Variants in BTBD9 observed in about 807,000 individuals in gnomAD.
The protein encoded by BTBD9 is BTB/POZ domain-containing protein 9.
BTBD9 carries 49 observed loss-of-function variants against 64.3 expected under a neutral mutation model. The ratio of observed to expected loss-of-function variants is 0.76; its 90% CI spans 0.61 to 0.97. BTBD9 has a LOEUF of 0.97. Among genes scored for constraint, BTBD9 ranks in the 50% least tolerant of loss-of-function variants. The probability of loss-of-function intolerance (pLI) is 0.00; values close to 1 mark genes in which losing one functional copy is unlikely to be tolerated. For missense variants in BTBD9, 598 were observed against 762.1 expected (o/e 0.78, Z 2.53); for synonymous variants, 260 against 274.7 (o/e 0.95, Z 0.53).
intron 6 of BTBD9, among the ~76,000 whole-genome samples, chr6:38,567,150 G>T (rs1202596265): frequency 6.6e-6 from 1 of 152,196 alleles, no homozygotes; most frequent in Non-Finnish European, 1.5e-5. Context: ...AGTTTTATCA[G>T]TAACTAATGT....
At chr6:38,599,759 G>T (rs1200262475) in intron 1 of BTBD9, among the ~76,000 whole-genome samples, 1 of 152,224 alleles carries the variant, frequency 6.6e-6, no homozygotes, top group African/African-American at 2.4e-5. Context: ...TGCAATGGAA[G>T]ATCTTCATGG....
At chr6:38,423,216 G>C (rs1009797973) in intron 6 of BTBD9, among the ~76,000 whole-genome samples, 4 of 152,074 alleles carry the variant, frequency 2.6e-5, no homozygotes, top group African/African-American at 9.7e-5. Flanking sequence ...AGTGAGTCAA[G>C]ATCTCTCCAG....
At chr6:38,505,964 C>CAACAAAA (rs1175511241) in intron 6 of BTBD9, among the ~76,000 whole-genome samples, 2 of 82,628 alleles carry the variant, frequency 2.4e-5, no homozygotes, top group African/African-American at 8.2e-5. Flanking sequence ...TCCGTCTCAA[C>CAACAAAA]AAAAAAAAAA....
intron 6 of BTBD9, among the ~76,000 whole-genome samples, chr6:38,438,182 AGGAAGGAG>A (rs1298229137): frequency 1.5e-5 from 2 of 134,886 alleles, no homozygotes; most frequent in African/African-American, 5.6e-5. Context: ...AAAGGAAGGA[AGGAAGGAG>A]GAAAGGAGGA....
At chr6:38,183,868 G>A (rs776185760) in intron 10 of BTBD9, among the ~76,000 whole-genome samples, 2 of 152,136 alleles carry the variant, frequency 1.3e-5, no homozygotes, top group East Asian at 1.9e-4. Context: ...CCACACCAAC[G>A]CTCTGGCCCA....
At chr6:38,504,571 G>A (rs1222465243) in intron 6 of BTBD9, 1 of 456,678 alleles carries the variant, frequency 2.2e-6, no homozygotes, top group Admixed American at 2.3e-5. Context: ...AACTGCGGGT[G>A]AAATGTGGAT....
intron 9 of BTBD9, among the ~76,000 whole-genome samples, chr6:38,227,612 G>A (rs1763443509): frequency 1.3e-5 from 2 of 152,202 alleles, no homozygotes; most frequent in Non-Finnish European, 2.9e-5. Flanking sequence ...GAGTGCTTCA[G>A]AGAGGCCATA....
At chr6:38,568,807 T>G (rs1775632219) in intron 6 of BTBD9, among the ~76,000 whole-genome samples, 1 of 152,216 alleles carries the variant, frequency 6.6e-6, no homozygotes, top group South Asian at 2.1e-4. Context: ...TCTTGGGAAT[T>G]TTTACTGTTT....
At chr6:38,370,007 C>T (rs1030929300) in intron 6 of BTBD9, among the ~76,000 whole-genome samples, 1 of 152,244 alleles carries the variant, frequency 6.6e-6, no homozygotes, top group South Asian at 2.1e-4. Flanking sequence ...CTCGTGAGCG[C>T]TTTCCAGTCC....
intron 9 of BTBD9, among the ~76,000 whole-genome samples, chr6:38,205,058 T>C (rs1000608635): frequency 6.6e-6 from 1 of 151,950 alleles, no homozygotes; most frequent in African/African-American, 2.4e-5. Flanking sequence ...AGATAAAAAA[T>C]AGAAGAGAAA....
chr6:38,352,440 C>T (rs1047759671), intron 6 of BTBD9, among the ~76,000 whole-genome samples: 8 of 151,784 alleles, frequency 5.3e-5, no homozygotes, highest in African/African-American at 1.9e-4. Context: ...GGCCAGAAGC[C>T]TTGATCAGAC....
chr6:38,360,496 C>T (rs1287955446), intron 6 of BTBD9, among the ~76,000 whole-genome samples: 2 of 152,040 alleles, frequency 1.3e-5, no homozygotes, highest in African/African-American at 4.8e-5. Context: ...CATATTAGTA[C>T]ATTCTGTTAT....
At chr6:38,231,334 C>G (rs1290712447) in intron 9 of BTBD9, among the ~76,000 whole-genome samples, 1 of 152,182 alleles carries the variant, frequency 6.6e-6, no homozygotes, top group Non-Finnish European at 1.5e-5. Context: ...AAACCATGCA[C>G]TATGAGAGAC....
chr6:38,367,799 C>CAAAAAAAAAAAAAAAAAAAA, intron 6 of BTBD9, among the ~76,000 whole-genome samples: 2 of 84,334 alleles, frequency 2.4e-5, no homozygotes, highest in East Asian at 1.0e-3. Context: ...CCAGAAATGG[C>CAAAAAAAAAAAAAAAAAAAA]AAAAAAAAAA....
chr6:38,616,729 A>T (rs539608802), intron 1 of BTBD9, among the ~76,000 whole-genome samples: 39 of 152,268 alleles, frequency 2.6e-4, no homozygotes, highest in Admixed American at 2.4e-3. Context: ...AGGGGACAAT[A>T]AAGGAATAAA....
chr6:38,552,478 T>C (rs922133997), intron 6 of BTBD9, among the ~76,000 whole-genome samples: 1 of 151,956 alleles, frequency 6.6e-6, no homozygotes, highest in Non-Finnish European at 1.5e-5. Flanking sequence ...ATCTCAAAGA[T>C]TAATGAAAAA....
At chr6:38,615,382 T>C (rs767450593) in intron 1 of BTBD9, among the ~76,000 whole-genome samples, 1 of 152,172 alleles carries the variant, frequency 6.6e-6, no homozygotes, top group East Asian at 1.9e-4. Flanking sequence ...TGCCTTCCTA[T>C]CTCATGCTGA....
intron 7 of BTBD9, among the ~76,000 whole-genome samples, chr6:38,338,521 A>G (rs1303617097): frequency 6.6e-6 from 1 of 152,156 alleles, no homozygotes; most frequent in Admixed American, 6.5e-5. Context: ...AGCTGATAAT[A>G]GAATCTTATT....
At position 38,635,482 on chromosome 6, in the gene BTBD9, G is replaced by A. The variant is rs76095862; in HGVS notation, c.-28+4318C>T. Among the ~76,000 whole-genome samples, 646 of 152,256 alleles carry A rather than the reference G, an allele frequency of 4.2e-3. 13 individuals are homozygous for A. Among genetic ancestry groups the A allele is most frequent in the African/African-American group, 0.015 (618 of 41,540 alleles). On this transcript the variant is annotated intron_variant, in intron 1 of 10. Coordinates refer to ENST00000481247, the MANE Select transcript of BTBD9 (RefSeq NM_001099272.2). ...ATTTTCAAATTTTAGAACTACTATG[G>A]TTTGCATGTGTCCTCCATGTGTTAG... is the stretch of plus-strand genomic sequence containing the variant.
Sources: allele counts gnomAD v4.1 joint callset (sites outside exome capture counted in the v4.1 genomes callset), GRCh38; gene constraint gnomAD v4.1.1; transcripts MANE v1.5; gene names NCBI Gene and HGNC (gene_info 2026-07-23, HGNC 2026-07-21).